LATS2: variants seen among roughly 807,000 people sequenced by gnomAD.
LATS2 encodes serine/threonine-protein kinase LATS2.
LATS2 carries 24 observed loss-of-function variants against 76.0 expected under a neutral mutation model. The observed-to-expected ratio is 0.32, with a 90% confidence interval of 0.23 to 0.44. The LOEUF (loss-of-function observed/expected upper bound fraction) is 0.44. Among genes scored for constraint, LATS2 ranks in the 20% least tolerant of loss-of-function variants. LATS2 has a pLI of 1.00. For missense variants in LATS2, 1,286 were observed against 1,481.2 expected, an observed-to-expected ratio of 0.87 and a Z score of 2.16; for synonymous variants, 692 against 635.4, an observed-to-expected ratio of 1.09 and a Z score of -1.34.
At chr13:21,009,056 T>C (rs1272019721) in intron 2 of LATS2, among the ~76,000 whole-genome samples, 1 of 152,240 alleles carries the variant, frequency 6.6e-6, no homozygotes, top group East Asian at 1.9e-4. Context: ...ATGCTCTTTC[T>C]TCACAGTCTT....
chr13:21,060,351 A>C (rs899212822), intron 1 of LATS2, among the ~76,000 whole-genome samples: 9 of 152,220 alleles, frequency 5.9e-5, no homozygotes, highest in Admixed American at 4.6e-4. Flanking sequence ...AGGTGAGCTT[A>C]CATCAGAAGA....
At position 20,974,372 on chromosome 13, in the gene LATS2, A is replaced by G. The variant is rs1869491512; in HGVS notation, c.*498T>C. The G allele has an allele frequency of 1.3e-5, 3 of 228,266 alleles. No individual in the cohort carries two copies. Among genetic ancestry groups the G allele is most frequent in the Non-Finnish European group, 2.6e-5 (3 of 115,130 alleles). The allele number at this position is 228,266 out of a possible 1,614,324, so 14.1% of individuals were successfully genotyped here. ...GAAACATGGGAAAAAATAAAAAACA[A>G]AAACCATTGTGTGGATAAAATGGTC... On this transcript the variant is annotated 3_prime_UTR_variant, in exon 8 of 8. Transcript: ENST00000382592.
In LATS2 at chr13:21,037,016, A is replaced by C. The variant is rs187395365; in HGVS notation, c.342+8669T>G. 2.0e-3 allele frequency among the ~76,000 whole-genome samples: 307 copies of C among 152,370 alleles called. 1 individual carries two copies. Among genetic ancestry groups the C allele is most frequent in the African/African-American group, 7.1e-3 (294 of 41,588 alleles). ...TATTCTAAGGAAGTCAGTAATATCC[A>C]TAAGAAGGTGTGTAGAAGAATGTTC... On this transcript the variant is annotated intron_variant, in intron 2 of 7. Coordinates refer to ENST00000382592, the MANE Select transcript of LATS2 (RefSeq NM_014572.3).
At chr13:20,987,852 C>G in intron 4 of LATS2, 29 bp downstream of exon 4, 2 of 1,601,602 alleles carry the variant, frequency 1.2e-6, no homozygotes, top group East Asian at 2.2e-5. Flanking sequence ...GAGCCGGGAA[C>G]AAATAGTAAA....
chr13:21,056,953 GC>G (rs1873466847), intron 1 of LATS2, among the ~76,000 whole-genome samples: 1 of 152,184 alleles, frequency 6.6e-6, no homozygotes, highest in South Asian at 2.1e-4. Context: ...GAACAAAACA[GC>G]CAAAAAATGT....
At chr13:20,983,888 G>A (rs775743967) in intron 4 of LATS2, 82 bp from the exon 5 acceptor site, 16 of 1,021,146 alleles carry the variant, frequency 1.6e-5, no homozygotes, top group Non-Finnish European at 2.3e-5. Context: ...GGATGCCCTG[G>A]AACTGAGAGG....
intron 2 of LATS2, among the ~76,000 whole-genome samples, chr13:21,029,844 C>T (rs1872451150): frequency 1.3e-5 from 2 of 152,008 alleles, no homozygotes; most frequent in Admixed American, 1.3e-4. Flanking sequence ...CGCCTGTAAT[C>T]CCAGCACTTT....
Position 20,988,215 on chromosome 13 carries a change from A to C in LATS2, c.1565T>G (p.Leu522Arg). The change falls in exon 4 of 8, where the codon CTG (leucine) becomes CGG (arginine). Residue 522 changes from leucine (L) to arginine (R), a missense_variant. By Grantham distance (102) the Leu-to-Arg change is moderately radical. This residue lies in a region of LATS2 where 710 missense variants were observed against 660.9 expected (regional missense o/e 1.07). Transcript: ENST00000382592. The part of the protein sequence containing the change: ...RCPPPPYPKH[L>R]LLRSKSEQYD... The stretch of plus-strand genomic sequence containing the variant: ...CTGCTCCGACTTGCTGCGCAGCAGC[A>C]GGTGCTTCGGGTAGGGCGGAGGCGG... 6.2e-7 allele frequency: 1 copy of C among 1,610,372 alleles called. No individual in the cohort carries two copies. Among genetic ancestry groups the C allele is most frequent in the Non-Finnish European group, 8.5e-7 (1 of 1,179,560 alleles).
At position 20,983,207 on chromosome 13, in the gene LATS2, C is replaced by T; in HGVS notation, c.2482+17G>A. On this transcript the variant is annotated intron_variant, in intron 5 of 7. Transcript: ENST00000382592. ...ATCTACACATAGAAAGTGCATGTGG[C>T]ACACTTCAGACAATACCTTTCTGGT... 1 of 1,565,420 alleles carries T rather than the reference C, an allele frequency of 6.4e-7. No homozygotes were observed. The highest frequency in any genetic ancestry group is 8.8e-7 in the Non-Finnish European group (1 of 1,140,334).
chr13:20,982,860 G>A (rs1869954545), intron 5 of LATS2, among the ~76,000 whole-genome samples: 1 of 151,522 alleles, frequency 6.6e-6, no homozygotes, highest in South Asian at 2.1e-4. Flanking sequence ...AGGTGGTGGT[G>A]CGTGACTGTA....
chr13:21,005,373 C>T (rs952106492), intron 2 of LATS2: 1 of 152,242 alleles, frequency 6.6e-6, no homozygotes, highest in African/African-American at 2.4e-5. Context: ...TCTGGCACTC[C>T]TACTGGGCAG....
intron 2 of LATS2, among the ~76,000 whole-genome samples, chr13:21,041,567 T>C (rs184167431): frequency 9.9e-5 from 15 of 152,116 alleles, no homozygotes; most frequent in African/African-American, 3.1e-4. Context: ...GGAAAATGTA[T>C]CAATGCTGAG....
At chr13:21,010,263 T>C (rs1179022150) in intron 2 of LATS2, among the ~76,000 whole-genome samples, 3 of 151,908 alleles carry the variant, frequency 2.0e-5, no homozygotes, top group South Asian at 2.1e-4. Flanking sequence ...TAAGTGAGCA[T>C]GGAAGTACTA....
intron 2 of LATS2, among the ~76,000 whole-genome samples, chr13:20,998,290 C>T (rs1228942385): frequency 6.6e-6 from 1 of 152,054 alleles, no homozygotes; most frequent in African/African-American, 2.4e-5. Context: ...GAGGTGGAGG[C>T]TGCAGTGAGC....
Position 20,983,659 on chromosome 13 carries a change from A to C in LATS2, c.2047T>G (p.Cys683Gly), listed in dbSNP as rs1162696233. 1 of 1,614,086 alleles carries C rather than the reference A, an allele frequency of 6.2e-7. No individual in the cohort carries two copies. The highest frequency in any genetic ancestry group is 1.7e-5 in the Admixed American group (1 of 60,006). The change falls in exon 5 of 8, where the codon TGC (cysteine) becomes GGC (glycine). Residue 683 changes from cysteine to glycine, a missense_variant. Cys to Gly is a radical substitution (Grantham distance 159). This residue lies in a region of LATS2 where 247 missense variants were observed against 385.4 expected (regional missense o/e 0.64). Transcript: ENST00000382592. ...TGAGTGTCCACCTTACAAGCAAGGC[A>C]CACTTCTCCAAAGGCACCGATCCCC... ...TLGIGAFGEV[C>G]LACKVDTHAL...
chr13:20,994,780 G>A (rs753741011), intron 2 of LATS2, among the ~76,000 whole-genome samples: 50 of 151,158 alleles, frequency 3.3e-4, no homozygotes, highest in Non-Finnish European at 6.5e-4. Context: ...CCCAGCTACT[G>A]AAGAGGTTGA....
chr13:20,978,478 GAAT>G (rs889917379), intron 7 of LATS2, among the ~76,000 whole-genome samples: 1 of 152,132 alleles, frequency 6.6e-6, no homozygotes, highest in African/African-American at 2.4e-5. Context: ...TACTTTGAAT[GAAT>G]ATTAGGAATA....
intron 2 of LATS2, among the ~76,000 whole-genome samples, chr13:21,026,734 T>C (rs181756742): frequency 2.6e-5 from 4 of 152,288 alleles, no homozygotes; most frequent in African/African-American, 9.6e-5. Flanking sequence ...GGCAAGAGGA[T>C]TGTTTGAGCC....
intron 2 of LATS2, among the ~76,000 whole-genome samples, chr13:20,999,889 G>A (rs1024124992): frequency 8.0e-5 from 12 of 150,660 alleles, no homozygotes; most frequent in Non-Finnish European, 1.5e-4. Flanking sequence ...ATAGCCAGGC[G>A]TGGTGGCACA....
Sources: allele counts gnomAD v4.1 joint callset (sites outside exome capture counted in the v4.1 genomes callset), GRCh38; gene constraint gnomAD v4.1.1; regional missense constraint gnomAD v4.1.1; transcripts MANE v1.5; gene names NCBI Gene and HGNC (gene_info 2026-07-23, HGNC 2026-07-21).